Variants in RYR1 observed in about 807,000 individuals in gnomAD.
RYR1 encodes ryanodine receptor 1.
Under a neutral mutation model 583.5 loss-of-function variants are expected in RYR1, and 342 were observed. That is an observed-to-expected ratio of 0.59 (90% confidence interval 0.54 to 0.64). The LOEUF is 0.64. Ranked by LOEUF, RYR1 falls within the 30% of genes least tolerant of loss-of-function variation. The pLI is 0.00. For missense variants in RYR1, 6,032 were observed against 6,917.2 expected, an observed-to-expected ratio of 0.87 and a Z score of 4.54; for synonymous variants, 2,791 against 2,822.5, an observed-to-expected ratio of 0.99 and a Z score of 0.35.
At chr19:38,586,263 C>G in intron 104 of RYR1, 72 bp downstream of exon 104, 2 of 1,393,284 alleles carry the variant, frequency 1.4e-6, no homozygotes, top group African/African-American at 2.8e-5. Context: ...GGGTACTTAG[C>G]TTTGGCCAGT....
chr19:38,485,075 G>A (rs762109404), intron 33 of RYR1, among the ~76,000 whole-genome samples: 1 of 152,146 alleles, frequency 6.6e-6, no homozygotes, highest in Non-Finnish European at 1.5e-5. Flanking sequence ...AGGCAGAAAT[G>A]TCCTGCCCTT....
chr19:38,455,105 G>T, intron 13 of RYR1, 130 bp from the exon 14 acceptor site: 1 of 1,097,424 alleles, frequency 9.1e-7, no homozygotes, highest in African/African-American at 1.5e-5. Flanking sequence ...TGAAACCAAA[G>T]GGGCTGATTT....
At chr19:38,451,930 C>T (rs1258794684) in intron 12 of RYR1, 45 bp downstream of exon 12, 1 of 1,613,542 alleles carries the variant, frequency 6.2e-7, no homozygotes, top group Non-Finnish European at 8.5e-7. Flanking sequence ...TGTGCTGTCC[C>T]ATGCTCCGGG....
At chr19:38,538,983 C>G (rs1325464245) in intron 84 of RYR1, among the ~76,000 whole-genome samples, 1 of 152,156 alleles carries the variant, frequency 6.6e-6, no homozygotes, top group African/African-American at 2.4e-5. Context: ...GATTAGGAAA[C>G]CACAGACTAC....
Position 38,518,136 on chromosome 19 carries a change from C to T in RYR1, c.10018+445C>T, listed in dbSNP as rs115180193. ...ACTCTCTCAAAACAAACAAACAAAACAAAAGGAAAGAAAGAAGGAAGGATG... is the reference window on the plus strand; with the variant it reads ...ACTCTCTCAAAACAAACAAACAAAATAAAAGGAAAGAAAGAAGGAAGGATG... On this transcript the variant is annotated intron_variant, in intron 66 of 105. Transcript: ENST00000359596. Among the ~76,000 whole-genome samples, 573 of 148,268 alleles carry T rather than the reference C, an allele frequency of 3.9e-3. 2 individuals are homozygous for T. Among genetic ancestry groups the T allele is most frequent in the African/African-American group, 0.012 (495 of 40,012 alleles).
chr19:38,542,727 G>A (rs1276412810), intron 84 of RYR1, among the ~76,000 whole-genome samples: 1 of 151,938 alleles, frequency 6.6e-6, no homozygotes, highest in Admixed American at 6.6e-5. Flanking sequence ...CACCATGTTG[G>A]CCAGGCTGGT....
In RYR1 at chr19:38,485,674, C is replaced by T. The variant is rs543026464; in HGVS notation, c.5019C>T (p.Cys1673=). 2.5e-5 allele frequency: 41 copies of T among 1,610,714 alleles called. No individual in the cohort carries two copies. The East Asian group carries it at 3.1e-4, about 12-fold the overall frequency. Residue 1673 remains cysteine (C), a synonymous_variant, in exon 34 of 106, where the codon TGC becomes TGT. Coordinates refer to ENST00000359596, the MANE Select transcript of RYR1 (RefSeq NM_000540.3). ...CCCTGCGCCTCTACCGCGCTGTGTG[C>T]GCCCTGGGCAACAATCGCGTGGCGC... ...SHTLRLYRAV[C]ALGNNRVAHA...
Position 38,525,604 on chromosome 19 carries a change from A to C in RYR1, c.10626+102A>C, listed in dbSNP as rs908347715. The C allele has an allele frequency of 9.9e-6, 13 of 1,308,450 alleles. No individual in the cohort carries two copies. In the East Asian group the frequency reaches 2.8e-4, roughly 28 times the overall value. 81.1% of individuals were successfully genotyped at this position (1,308,450 alleles called of 1,614,324 possible). A position where few individuals can be genotyped will look rare whatever the true frequency, so the allele number is the denominator to read the frequency against. ...CAACCACAATGCCACTGAGCCCCCC[A>C]GGTCCCTGGGAGCCTTCCCTTCAGA... On this transcript the variant is annotated intron_variant, in intron 71 of 105. Coordinates refer to ENST00000359596, the MANE Select transcript of RYR1 (RefSeq NM_000540.3).
rs201903618 is a variant in RYR1, at chr19:38,505,819, A to C, written c.8414A>C (p.Tyr2805Ser). The change falls in exon 54 of 106, where the codon TAC (tyrosine) becomes TCC (serine). Residue 2805 changes from tyrosine to serine, a missense_variant. Around this residue, in one of 11 missense-constraint regions of RYR1, gnomAD observed 1,493 missense variants for 1,715.5 expected, o/e 0.87. Coordinates refer to ENST00000359596, the MANE Select transcript of RYR1 (RefSeq NM_000540.3). ...TGTCCACCCCAGGACAAAGAGATTT[A>C]CCGCTGGCCCATCAAGGAGTCCCTG... is the stretch of plus-strand genomic sequence containing the variant. The part of the protein sequence containing the change: ...KTFSEKDKEI[Y>S]RWPIKESLKA... The C allele has an allele frequency of 5.4e-5, 87 of 1,613,906 alleles. No individual in the cohort carries two copies. Among genetic ancestry groups the C allele is most frequent in the Non-Finnish European group, 8.5e-7 (1 of 1,180,030 alleles).
intron 3 of RYR1, 61 bp downstream of exon 3, chr19:38,442,514 G>A (rs987940020): frequency 2.3e-5 from 29 of 1,264,228 alleles, no homozygotes; most frequent in Non-Finnish European, 3.2e-5. Flanking sequence ...CCCAGGGGTC[G>A]TTTAGGGCAC....
chr19:38,574,455 G>GA (rs199854545), intron 96 of RYR1, among the ~76,000 whole-genome samples: 40 of 147,526 alleles, frequency 2.7e-4, no homozygotes, highest in South Asian at 4.3e-4. Flanking sequence ...TATATCTTTA[G>GA]AAAAAAAAAA....
chr19:38,585,223 T>C, intron 102 of RYR1, 124 bp downstream of exon 102: 1 of 1,226,190 alleles, frequency 8.2e-7, no homozygotes, highest in Non-Finnish European at 1.2e-6. Flanking sequence ...CTGTGAGACC[T>C]TGGGCAAGTC....
In RYR1 at chr19:38,451,835, G is replaced by A; in HGVS notation, c.1194G>A (p.Gln398=). 1.9e-6 allele frequency: 3 copies of A among 1,614,120 alleles called. No homozygotes were observed. Among genetic ancestry groups the A allele is most frequent in the Non-Finnish European group, 2.5e-6 (3 of 1,180,028 alleles). The change falls in exon 12 of 106, where the codon CAG becomes CAA. Residue 398 remains glutamine, a synonymous_variant. Coordinates refer to ENST00000359596, the MANE Select transcript of RYR1 (RefSeq NM_000540.3). ...CCCGCTGCCAGCAGGAGGAGTCCCA[G>A]GCCGCCCGCATGATCCACAGCACCA... ...SLTRCQQEES[Q]AARMIHSTNG... is the part of the protein sequence containing the mutation.
intron 58 of RYR1, among the ~76,000 whole-genome samples, chr19:38,508,580 A>G (rs113017076): frequency 0.041 from 6,256 of 152,298 alleles, 162 homozygotes; most frequent in African/African-American, 0.05. Context: ...GAGGCAAGCC[A>G]TGAAGGAGGT....
At position 38,448,393 on chromosome 19, in the gene RYR1, G is replaced by A. The variant is rs1319877486; in HGVS notation, c.839G>A (p.Arg280Gln). ...CACCTGCGCTGGGGCCAGCCACTCC[G>A]AGTCCGGCATGTCACTACCGGGCAG... Reference protein sequence around the residue: ...GSHLRWGQPLRVRHVTTGQYL... With the variant: ...GSHLRWGQPLQVRHVTTGQYL... The change falls in exon 10 of 106, where the codon CGA becomes CAA. Residue 280 changes from arginine to glutamine, a missense_variant. By Grantham distance (43) the Arg-to-Gln change is conservative. Coordinates refer to ENST00000359596, the MANE Select transcript of RYR1 (RefSeq NM_000540.3). The A allele has an allele frequency of 6.8e-6, 11 of 1,611,832 alleles. No individual in the cohort carries two copies. Among genetic ancestry groups the A allele is most frequent in the African/African-American group, 6.7e-5 (5 of 74,918 alleles).
chr19:38,555,446 CAAA>C (rs56911809), intron 89 of RYR1, among the ~76,000 whole-genome samples: 11 of 83,442 alleles, frequency 1.3e-4, no homozygotes, highest in Admixed American at 2.7e-4. Context: ...GACCCTGCCT[CAAA>C]AAAAAAAAAA....
chr19:38,585,063 T>A lies in RYR1; in HGVS notation c.14767T>A (p.Phe4923Ile). 6.2e-7 allele frequency: 1 copy of A among 1,613,938 alleles called. No homozygotes were observed. Among genetic ancestry groups the A allele is most frequent in the East Asian group, 2.2e-5 (1 of 44,870 alleles). The part of the protein sequence containing the change: ...YRVVFDITFF[F>I]FVIVILLAII... ...GGTGGTCTTCGACATCACCTTCTTC[T>A]TCTTCGTCATCGTCATCCTGTTGGC... The change falls in exon 102 of 106, where the codon TTC becomes ATC. Residue 4923 changes from phenylalanine to isoleucine, a missense_variant. Coordinates refer to ENST00000359596, the MANE Select transcript of RYR1 (RefSeq NM_000540.3).
rs753726014 is a variant in RYR1 at position 38,525,361 on chromosome 19, G to C, written c.10485G>C (p.Lys3495Asn). The C allele has an allele frequency of 3.6e-5, 58 of 1,605,804 alleles. No homozygotes were observed. The African/African-American group carries it at 6.4e-4, about 18-fold the overall frequency. Residue 3495 changes from lysine (K) to asparagine (N), a missense_variant, in exon 71 of 106, where the codon AAG (lysine) becomes AAC (asparagine). Transcript: ENST00000359596. ...GTGGCTCGGACCAGGAACGCACCAA[G>C]AAGAAGCGCCGGGGGGACCGGTACT... The part of the protein sequence containing the change: ...QSGGSDQERT[K>N]KKRRGDRYSV...
intron 89 of RYR1, among the ~76,000 whole-genome samples, chr19:38,556,166 T>A (rs974419092): frequency 1.3e-5 from 2 of 151,792 alleles, no homozygotes; most frequent in Non-Finnish European, 2.9e-5. Flanking sequence ...AATTTTAAAT[T>A]TTCTAATAGC....
Sources: gnomAD v4.1 joint callset for allele counts (sites outside exome capture counted in the v4.1 genomes callset) on GRCh38, gnomAD v4.1.1 for gene constraint, gnomAD v4.1.1 regional missense constraint, MANE v1.5 for transcripts, NCBI Gene and HGNC (gene_info 2026-07-23, HGNC 2026-07-21) for gene names.